TENM3: variants seen among roughly 807,000 people sequenced by gnomAD.
The protein encoded by TENM3 is teneurin-3.
Under a neutral mutation model 255.1 loss-of-function variants are expected in TENM3, and 63 were observed. The observed-to-expected ratio is 0.25, with a 90% CI of 0.20 to 0.30. TENM3 has a LOEUF of 0.30. Among genes scored for constraint, TENM3 ranks in the 10% least tolerant of loss-of-function variants. The pLI is 1.00. For missense variants in TENM3, 2,929 were observed against 3,461.1 expected, an observed-to-expected ratio of 0.85 and a Z score of 3.86; for synonymous variants, 1,306 against 1,322.3, an observed-to-expected ratio of 0.99 and a Z score of 0.27.
the TENM3 span, among the ~76,000 whole-genome samples, chr4:181,783,600 T>C: frequency 3.3e-5 from 5 of 152,206 alleles, no homozygotes; most frequent in Non-Finnish European, 5.9e-5. Flanking sequence ...TTTATCAGAA[T>C]TGCATTTAAT....
chr4:182,462,785 G>A (rs188948263), intron 3 of TENM3, among the ~76,000 whole-genome samples: 3 of 152,004 alleles, frequency 2.0e-5, no homozygotes, highest in South Asian at 2.1e-4. Context: ...TACTTGGAAG[G>A]CTGAGGCAGG....
chr4:182,360,480 CTTCT>C (rs1382674030), intron 3 of TENM3, among the ~76,000 whole-genome samples: 1 of 145,934 alleles, frequency 6.9e-6, no homozygotes, highest in Non-Finnish European at 1.5e-5. Flanking sequence ...ATGTAATGGC[CTTCT>C]TTGTCTCTTT....
chr4:182,487,029 C>T (rs1429541224), intron 3 of TENM3, among the ~76,000 whole-genome samples: 14 of 152,274 alleles, frequency 9.2e-5, no homozygotes, highest in Middle Eastern at 6.8e-3. Context: ...ACATCTCACT[C>T]GGTATCATAA....
the TENM3 span, among the ~76,000 whole-genome samples, chr4:181,605,573 AGAG>A: frequency 7.0e-5 from 2 of 28,572 alleles, no homozygotes; most frequent in Non-Finnish European, 2.0e-4. Context: ...AAAGAAAGAG[AGAG>A]AAAGAAAGGA....
chr4:181,759,409 C>T, the TENM3 span, among the ~76,000 whole-genome samples: 3 of 151,796 alleles, frequency 2.0e-5, no homozygotes, highest in Admixed American at 1.3e-4. Flanking sequence ...TAAGGATAAA[C>T]AAGAAGTGCC....
At chr4:181,747,388 A>G in the TENM3 span, among the ~76,000 whole-genome samples, 1 of 152,100 alleles carries the variant, frequency 6.6e-6, no homozygotes, top group Non-Finnish European at 1.5e-5. Context: ...AAATTCACAT[A>G]CAGTTGGGAG....
At chr4:181,915,184 A>G in the TENM3 span, among the ~76,000 whole-genome samples, 2 of 152,192 alleles carry the variant, frequency 1.3e-5, no homozygotes, top group Non-Finnish European at 2.9e-5. Flanking sequence ...TAGATAAGTG[A>G]AGCCAGAAGG....
chr4:181,543,907 TAAAG>T, the TENM3 span, among the ~76,000 whole-genome samples: 3 of 152,060 alleles, frequency 2.0e-5, no homozygotes, highest in Admixed American at 6.5e-5. Flanking sequence ...GTTTGAATAA[TAAAG>T]AAAAAAATAT....
At chr4:182,289,061 C>CA (rs111654239) in intron 1 of TENM3, among the ~76,000 whole-genome samples, 3,629 of 142,492 alleles carry the variant, frequency 0.025, 150 homozygotes, top group African/African-American at 0.087. Context: ...CCTGTCTTGG[C>CA]AAAAAAAAAA....
chr4:182,025,318 A>T, the TENM3 span, among the ~76,000 whole-genome samples: 1 of 152,114 alleles, frequency 6.6e-6, no homozygotes, highest in Non-Finnish European at 1.5e-5. Flanking sequence ...GTGAGCCACC[A>T]CGCCTGGCTA....
chr4:182,784,876 A>G (rs6839366), intron 24 of TENM3, among the ~76,000 whole-genome samples: 53,312 of 151,656 alleles, frequency 0.35, 12,173 homozygotes, highest in African/African-American at 0.64. Flanking sequence ...GACCCCTTGC[A>G]CTTCCCAAGT....
intron 1 of TENM3, among the ~76,000 whole-genome samples, chr4:182,161,807 A>AAATATATATGTG (rs1561153540): frequency 0.099 from 5,148 of 52,082 alleles, 1,632 homozygotes; most frequent in Admixed American, 0.26. Flanking sequence ...ATATATACAC[A>AAATATATATGTG]TATATATGTA....
chr4:181,978,420 A>G, the TENM3 span, among the ~76,000 whole-genome samples: 1 of 152,124 alleles, frequency 6.6e-6, no homozygotes, highest in Non-Finnish European at 1.5e-5. Flanking sequence ...AGGCCAAGGC[A>G]GGTGGGTCAT....
At chr4:182,167,991 A>G (rs1326722131) in intron 1 of TENM3, among the ~76,000 whole-genome samples, 1 of 152,240 alleles carries the variant, frequency 6.6e-6, no homozygotes, top group Non-Finnish European at 1.5e-5. Context: ...GATATTTAGT[A>G]AAAAGGACAA....
chr4:182,302,426 A>C (rs1195372976), intron 1 of TENM3, among the ~76,000 whole-genome samples: 1 of 152,188 alleles, frequency 6.6e-6, no homozygotes. Context: ...ACTTTTATGA[A>C]GCATCCACCA....
At chr4:182,323,810 T>C in intron 1 of TENM3, 136 bp from the exon 2 acceptor site, 2 of 582,864 alleles carry the variant, frequency 3.4e-6, no homozygotes, top group Non-Finnish European at 6.1e-6. Flanking sequence ...TCAGAAATAC[T>C]AATTTCTTGT....
In TENM3 at chr4:182,792,642, C is replaced by G. The variant is rs1410491056; in HGVS notation, c.5970C>G (p.Thr1990=). 1 of 1,613,780 alleles carries G rather than the reference C, an allele frequency of 6.2e-7. No homozygotes were observed. The highest frequency in any genetic ancestry group is 8.5e-7 in the Non-Finnish European group (1 of 1,179,894). ...TCCAGAGTGATGGTTTTATTTGCAC[C>G]ATTAGATACAGGCAAATTGGTCCCC... The part of the protein sequence containing the change: ...VNLQSDGFIC[T]IRYRQIGPLI... The change falls in exon 26 of 28, where the codon ACC becomes ACG. Residue 1990 remains threonine (T), a synonymous_variant. Transcript: ENST00000511685. The surrounding 1 kb of genome is among the most constrained non-coding windows in gnomAD (Gnocchi z 6.3).
At chr4:182,100,792 TATACAC>T in the TENM3 span, among the ~76,000 whole-genome samples, 19 of 5,054 alleles carry the variant, frequency 3.8e-3, 3 homozygotes, top group South Asian at 0.024. Flanking sequence ...TACACATATA[TATACAC>T]ATATATATAC....
In TENM3 at chr4:182,365,689, A is replaced by C. The variant is rs147301003; in HGVS notation, c.511+18760A>C. 3.4e-3 allele frequency among the ~76,000 whole-genome samples: 520 copies of C among 152,334 alleles called. 3 individuals carry two copies. Among genetic ancestry groups the C allele is most frequent in the African/African-American group, 0.012 (489 of 41,572 alleles). The stretch of plus-strand genomic sequence containing the variant: ...TAAATCTCTTTTCATCAATCCATAG[A>C]GTGTTGCAAAAGATGCAGGAGATAC... On this transcript the variant is annotated intron_variant, in intron 3 of 27. Transcript: ENST00000511685.
Sources: allele counts gnomAD v4.1 joint callset (sites outside exome capture counted in the v4.1 genomes callset), GRCh38; gene constraint gnomAD v4.1.1; non-coding constraint Gnocchi (gnomAD v3.1); transcripts MANE v1.5; gene names NCBI Gene and HGNC (gene_info 2026-07-23, HGNC 2026-07-21).